The following SLC22A2 variants were observed in gnomAD, a reference collection of about 807,000 sequenced individuals.
SLC22A2 encodes solute carrier family 22 member 2.
Under a neutral mutation model 60.5 loss-of-function variants are expected in SLC22A2, and 46 were observed. That is an observed-to-expected ratio of 0.76 (90% CI 0.60 to 0.97). The LOEUF (loss-of-function observed/expected upper bound fraction) is 0.97. SLC22A2 is among the 50% of genes least tolerant of loss of function. SLC22A2 has a pLI of 0.00. For missense variants in SLC22A2, 701 were observed against 706.6 expected (o/e 0.99, Z 0.09); for synonymous variants, 303 against 267.0 (o/e 1.13, Z -1.31).
chr6:160,256,917 T>G (rs1356898442), intron 1 of SLC22A2, among the ~76,000 whole-genome samples, 200 bp from the exon 2 acceptor site: 1 of 150,406 alleles, frequency 6.6e-6, no homozygotes, highest in South Asian at 2.1e-4. Flanking sequence ...TTTTTTTTTT[T>G]TGTGAGACAG....
chr6:160,217,445 A>T lies in SLC22A2; in HGVS notation c.1655T>A (p.Ile552Asn), dbSNP rs139045661. The change falls in exon 11 of 11, where the codon ATT becomes AAT. Residue 552 changes from isoleucine to asparagine, a missense_variant. Physicochemically the swap from Ile to Asn is moderately radical, Grantham distance 149. Coordinates refer to ENST00000366953, the MANE Select transcript of SLC22A2 (RefSeq NM_003058.4). ...MIYLQVQKLDIPLN is the reference protein window; with the variant it reads ...MIYLQVQKLDNPLN Reference sequence around the variant, plus strand: ...CGGTCTCTCTTCTTAGTTCAATGGAATGTCTAGTTTCTGAACTTGGAGGTA... The same window carrying T: ...CGGTCTCTCTTCTTAGTTCAATGGATTGTCTAGTTTCTGAACTTGGAGGTA... 1,322 of 1,602,736 alleles carry T rather than the reference A, an allele frequency of 8.2e-4. 12 individuals are homozygous for T. In the African/African-American group the frequency reaches 0.016, roughly 20 times the overall value.
chr6:160,239,883 G>A (rs977399262), intron 9 of SLC22A2, among the ~76,000 whole-genome samples: 1 of 152,144 alleles, frequency 6.6e-6, no homozygotes, highest in Non-Finnish European at 1.5e-5. Context: ...TCAGTGGTTT[G>A]GAACTTTTGC....
At chr6:160,245,694 ATTTTTTTTTTTT>A (rs11422120) in intron 5 of SLC22A2, 149 bp from the exon 6 acceptor site, 4 of 163,912 alleles carry the variant, frequency 2.4e-5, no homozygotes, top group Admixed American at 2.3e-4. Flanking sequence ...GTCCCATTTC[ATTTTTTTTTTTT>A]TTTTTTTTTT....
chr6:160,232,981 G>A (rs974921544), intron 9 of SLC22A2, among the ~76,000 whole-genome samples: 2 of 150,148 alleles, frequency 1.3e-5, no homozygotes, highest in African/African-American at 4.9e-5. Context: ...CAAGCCACTA[G>A]CCCATCTCTT....
intron 9 of SLC22A2, among the ~76,000 whole-genome samples, chr6:160,236,751 A>G (rs1445899398): frequency 1.3e-5 from 2 of 152,144 alleles, no homozygotes; most frequent in Non-Finnish European, 2.9e-5. Flanking sequence ...TAAGTAAAAA[A>G]TGTCACTTTC....
At chr6:160,258,207 C>G (rs1227869375) in intron 1 of SLC22A2, 137 bp downstream of exon 1, 2 of 1,021,212 alleles carry the variant, frequency 2.0e-6, no homozygotes, top group Admixed American at 2.4e-5. Context: ...CATTTGGAAA[C>G]TAGGATTTTG....
At chr6:160,241,718 C>T (rs551151293) in intron 8 of SLC22A2, 132 bp from the exon 9 acceptor site, 26 of 516,192 alleles carry the variant, frequency 5.0e-5, no homozygotes, top group East Asian at 2.6e-4. Context: ...GCTCAGGTGA[C>T]GGGTGCACCA....
intron 10 of SLC22A2, among the ~76,000 whole-genome samples, chr6:160,224,029 C>T (rs1401260435): frequency 6.6e-6 from 1 of 152,130 alleles, no homozygotes; most frequent in African/African-American, 2.4e-5. Flanking sequence ...TGCACCCAGC[C>T]CATGTTTGTA....
chr6:160,226,709 A>G (rs1208911612), intron 9 of SLC22A2, among the ~76,000 whole-genome samples: 1 of 152,192 alleles, frequency 6.6e-6, no homozygotes, highest in Non-Finnish European at 1.5e-5. Context: ...AAAAAATTTA[A>G]TTCAGCAGAA....
intron 9 of SLC22A2, among the ~76,000 whole-genome samples, chr6:160,233,979 A>G (rs1009534364): frequency 3.0e-4 from 46 of 152,168 alleles, no homozygotes; most frequent in African/African-American, 1.1e-3. Flanking sequence ...ACCTGCACGT[A>G]TACATCCAGA....
intron 3 of SLC22A2, 31 bp from the exon 4 acceptor site, chr6:160,249,415 T>C: frequency 6.3e-7 from 1 of 1,577,532 alleles, no homozygotes; most frequent in African/African-American, 1.3e-5. Flanking sequence ...GTTAATGCAA[T>C]TCAATACAAT....
Position 160,244,042 on chromosome 6 carries a change from G to A in SLC22A2, c.1065-256C>T. The A allele has an allele frequency of 4.8e-6, 2 of 412,686 alleles. 1 individual carries two copies. Among genetic ancestry groups the A allele is most frequent in the South Asian group, 9.5e-5 (2 of 21,014 alleles). 25.6% of individuals were successfully genotyped at this position (412,686 alleles called of 1,614,324 possible). A position where few individuals can be genotyped will look rare whatever the true frequency, so the allele number is the denominator to read the frequency against. ...ATTAGAAATTACGATAATGTTTCCT[G>A]GACAAATTGAAAGCCAAGAAGAATG... On this transcript the variant is annotated intron_variant, in intron 6 of 10. Transcript: ENST00000366953.
Position 160,231,981 on chromosome 6 carries a change from T to C in SLC22A2, c.1502-7177A>G, listed in dbSNP as rs562208517. Among the ~76,000 whole-genome samples, 11 of 152,132 alleles carry C rather than the reference T, an allele frequency of 7.2e-5. No homozygotes were observed. In the East Asian group the frequency reaches 1.7e-3, roughly 24 times the overall value. ...ACTGTTTTAGCCTAGCCCTCATGTCTGTGTGTGGTGGCTACCACTGTGTTA... is the reference window on the plus strand; with the variant it reads ...ACTGTTTTAGCCTAGCCCTCATGTCCGTGTGTGGTGGCTACCACTGTGTTA... On this transcript the variant is annotated intron_variant, in intron 9 of 10. Transcript: ENST00000366953.
At chr6:160,223,586 G>A (rs760286992) in intron 10 of SLC22A2, among the ~76,000 whole-genome samples, 2 of 152,030 alleles carry the variant, frequency 1.3e-5, no homozygotes, top group African/African-American at 4.8e-5. Context: ...CTAATTCATG[G>A]TCATTTAGGT....
chr6:160,241,233 A>G (rs1782995197), intron 9 of SLC22A2, among the ~76,000 whole-genome samples: 2 of 152,108 alleles, frequency 1.3e-5, no homozygotes, highest in Non-Finnish European at 2.9e-5. Context: ...GAGTATTAGT[A>G]GTGATGATAA....
In SLC22A2 at chr6:160,249,391, A is replaced by C. The variant is rs903541013; in HGVS notation, c.674-7T>G. The C allele has an allele frequency of 1.2e-6, 2 of 1,612,288 alleles. No individual in the cohort carries two copies. Among genetic ancestry groups the C allele is most frequent in the Non-Finnish European group, 1.7e-6 (2 of 1,178,866 alleles). ...CGCCCAACAAATTCTGTAACTGCAG[A>C]GAGAATTTGAATGGTTAATGCAATT... On this transcript the variant is annotated splice_polypyrimidine_tract_variant and splice_region_variant and intron_variant, in intron 3 of 10. Coordinates refer to ENST00000366953, the MANE Select transcript of SLC22A2 (RefSeq NM_003058.4).
intron 9 of SLC22A2, among the ~76,000 whole-genome samples, chr6:160,238,230 G>T (rs527838087): frequency 3.3e-5 from 5 of 152,328 alleles, no homozygotes; most frequent in African/African-American, 1.2e-4. Flanking sequence ...AGACAGGCTT[G>T]TTATGAGGCT....
intron 6 of SLC22A2, among the ~76,000 whole-genome samples, 184 bp from the exon 7 acceptor site, chr6:160,243,970 G>A (rs1783053161): frequency 1.3e-5 from 2 of 152,170 alleles, no homozygotes; most frequent in African/African-American, 4.8e-5. Context: ...TGGCTGGGTA[G>A]TTTCCAAAAA....
intron 4 of SLC22A2, among the ~76,000 whole-genome samples, chr6:160,247,857 G>A (rs530164652): frequency 1.3e-5 from 2 of 152,302 alleles, no homozygotes; most frequent in African/African-American, 4.8e-5. Context: ...GCTGGGTTCA[G>A]GGTGAATGAG....
Sources: gnomAD v4.1 joint callset for allele counts (sites outside exome capture counted in the v4.1 genomes callset) on GRCh38, gnomAD v4.1.1 for gene constraint, MANE v1.5 for transcripts, NCBI Gene and HGNC (gene_info 2026-07-23, HGNC 2026-07-21) for gene names.